The following SLC23A2 variants were observed in gnomAD, a reference collection of about 807,000 sequenced individuals.
SLC23A2 encodes Na(+)/L-ascorbic acid transporter 2.
SLC23A2 carries 36 observed loss-of-function variants against 73.3 expected under a neutral mutation model. The observed-to-expected ratio is 0.49, with a 90% CI of 0.38 to 0.65. SLC23A2 has a LOEUF of 0.65. SLC23A2 is among the 30% of genes least tolerant of loss of function. The probability of loss-of-function intolerance (pLI) is 0.00; values close to 1 mark genes in which losing one functional copy is unlikely to be tolerated. For missense variants in SLC23A2, 507 were observed against 841.6 expected (o/e 0.60, Z 4.92); for synonymous variants, 343 against 327.3 (o/e 1.05, Z -0.52).
At chr20:4,859,853 G>T (rs779624957) in intron 15 of SLC23A2, among the ~76,000 whole-genome samples, 2 of 152,198 alleles carry the variant, frequency 1.3e-5, no homozygotes, top group African/African-American at 2.4e-5. Context: ...TTAATCAGGG[G>T]CAACTGGATT....
At chr20:4,873,479 A>G (rs1930530049) in intron 11 of SLC23A2, among the ~76,000 whole-genome samples, 1 of 152,232 alleles carries the variant, frequency 6.6e-6, no homozygotes. Context: ...AGCTGTGGCC[A>G]AATTTAAAAG....
At position 4,868,004 on chromosome 20, in the gene SLC23A2, C is replaced by T; in HGVS notation, c.1251-129G>A. On this transcript the variant is annotated intron_variant, in intron 12 of 16. Transcript: ENST00000338244. This position sits in a 1 kb window ranked among gnomAD's most constrained non-coding sequence, Gnocchi z 4.4. ...CTGCAGCTTCCACATCTCCTGGGAG[C>T]TGGGAGGGCGATTAAAAATACAATC... The T allele has an allele frequency of 2.4e-6, 1 of 421,840 alleles. No homozygotes were observed. The highest frequency in any genetic ancestry group is 4.0e-6 in the Non-Finnish European group (1 of 249,190). 26.1% of individuals were successfully genotyped at this position (421,840 alleles called of 1,614,324 possible).
At position 4,864,897 on chromosome 20, in the gene SLC23A2, G is replaced by A. The variant is rs534694275; in HGVS notation, c.1357-1990C>T. 3.2e-3 allele frequency among the ~76,000 whole-genome samples: 495 copies of A among 152,338 alleles called. 3 individuals are homozygous for A. Among genetic ancestry groups the A allele is most frequent in the African/African-American group, 0.011 (470 of 41,568 alleles). ...GGTATGAAGGGCCAAACTGGCCCCA[G>A]GGATACCTGAAACTAAATCTGGTAG... On this transcript the variant is annotated intron_variant, in intron 13 of 16. Transcript: ENST00000338244.
At position 4,883,809 on chromosome 20, in the gene SLC23A2, G is replaced by C; in HGVS notation, c.657C>G (p.Ile219Met). Residue 219 changes from isoleucine (I) to methionine (M), a missense_variant, in exon 9 of 17, where the codon ATC becomes ATG. By Grantham distance (10) the Ile-to-Met change is conservative. Transcript: ENST00000338244. The surrounding 1 kb of genome is among the most constrained non-coding windows in gnomAD (Gnocchi z 4.5). ...CTACTTCTATCAGTGAGGACATGAT[G>C]ATGGCCCCCTGGATCTGCAACAAGA... The part of the protein sequence containing the change: ...YPRIREIQGA[I>M]IMSSLIEVVI... 1.2e-6 allele frequency: 2 copies of C among 1,609,432 alleles called. No homozygotes were observed. The highest frequency in any genetic ancestry group is 1.7e-6 in the Non-Finnish European group (2 of 1,177,780).
At chr20:4,992,791 T>G (rs1208683278) in intron 1 of SLC23A2, among the ~76,000 whole-genome samples, 1 of 151,648 alleles carries the variant, frequency 6.6e-6, no homozygotes, top group African/African-American at 2.4e-5. Flanking sequence ...ATTACAGGCA[T>G]GAGCCACCGC....
intron 1 of SLC23A2, among the ~76,000 whole-genome samples, chr20:4,971,178 A>G (rs2087554196): frequency 6.6e-6 from 1 of 152,048 alleles, no homozygotes. Flanking sequence ...CTATAAAAAA[A>G]CTTTTCAGCC....
At chr20:4,876,636 T>A (rs761187150) in intron 9 of SLC23A2, among the ~76,000 whole-genome samples, 1 of 152,206 alleles carries the variant, frequency 6.6e-6, no homozygotes, top group African/African-American at 2.4e-5. Context: ...ATGTTTACCT[T>A]TGCTAACTTT....
intron 2 of SLC23A2, among the ~76,000 whole-genome samples, chr20:4,942,206 G>A (rs1005368481): frequency 3.9e-5 from 6 of 152,162 alleles, no homozygotes; most frequent in South Asian, 4.1e-4. Flanking sequence ...ACAGCAGTGC[G>A]GAATAATGTC....
chr20:4,935,055 C>T (rs1260074052), intron 2 of SLC23A2, among the ~76,000 whole-genome samples: 1 of 151,506 alleles, frequency 6.6e-6, no homozygotes, highest in East Asian at 1.9e-4. Flanking sequence ...GGCGTGGTGG[C>T]GGGCACCTGT....
intron 2 of SLC23A2, among the ~76,000 whole-genome samples, chr20:4,942,934 T>G (rs2087064776): frequency 6.6e-6 from 1 of 151,952 alleles, no homozygotes. Flanking sequence ...TATGTAAAAT[T>G]CATCTTTAAG....
chr20:4,993,251 TCCAGCCTGGGCGCGCCACTGCACC>T (rs2087958508), intron 1 of SLC23A2, among the ~76,000 whole-genome samples: 1 of 142,270 alleles, frequency 7.0e-6, no homozygotes, highest in Admixed American at 7.4e-5. Flanking sequence ...GCCACTGCAC[TCCAGCCTGGGCGCGCCACTGCACC>T]CCAGCCTGGG....
In SLC23A2 at chr20:4,853,765, T is replaced by C. The variant is rs1929611645; in HGVS notation, c.*3207A>G. 6.6e-6 allele frequency: 1 copy of C among 152,516 alleles called. No individual in the cohort carries two copies. The highest frequency in any genetic ancestry group is 2.1e-4 in the South Asian group (1 of 4,836). The allele number at this position is 152,516 out of a possible 1,614,324, so 9.4% of individuals were successfully genotyped here. A position where few individuals can be genotyped will look rare whatever the true frequency, so the allele number is the denominator to read the frequency against. ...CATCAGGACCCATGATGCTTCATTCTGGCTGGCATGGTTAAAGCCACTTCT... is the reference window on the plus strand; with the variant it reads ...CATCAGGACCCATGATGCTTCATTCCGGCTGGCATGGTTAAAGCCACTTCT... On this transcript the variant is annotated 3_prime_UTR_variant, in exon 17 of 17. Coordinates refer to ENST00000338244, the MANE Select transcript of SLC23A2 (RefSeq NM_005116.6).
At chr20:4,949,795 G>A (rs1345043302) in intron 2 of SLC23A2, among the ~76,000 whole-genome samples, 2 of 152,168 alleles carry the variant, frequency 1.3e-5, no homozygotes, top group Admixed American at 6.5e-5. Context: ...TAATCAATCT[G>A]TATATCCTCA....
chr20:4,990,480 A>G (rs2087907368), intron 1 of SLC23A2, among the ~76,000 whole-genome samples: 1 of 151,210 alleles, frequency 6.6e-6, no homozygotes, highest in Non-Finnish European at 1.5e-5. Context: ...ATTGATTCCC[A>G]TGCTACTCAG....
chr20:4,884,740 G>A lies in SLC23A2; in HGVS notation c.642+13C>T, dbSNP rs142251970. 172 of 1,594,426 alleles carry A rather than the reference G, an allele frequency of 1.1e-4. No individual in the cohort carries two copies. The highest frequency in any genetic ancestry group is 1.7e-4 in the Middle Eastern group (1 of 6,014). On this transcript the variant is annotated intron_variant, in intron 8 of 16. Coordinates refer to ENST00000338244, the MANE Select transcript of SLC23A2 (RefSeq NM_005116.6). ...CATGAAGAAGCCAAAAGCAGACAAC[G>A]CTTGTCTTTTACCTCTCGGATCCGG...
At position 4,899,502 on chromosome 20, in the gene SLC23A2, C is replaced by T. The variant is rs150512403; in HGVS notation, c.482+53G>A. The T allele has an allele frequency of 8.4e-5, 5 of 59,424 alleles. No individual in the cohort carries two copies. Among genetic ancestry groups the T allele is most frequent in the East Asian group, 2.3e-4 (1 of 4,332 alleles). 3.7% of individuals were successfully genotyped at this position (59,424 alleles called of 1,614,324 possible). On this transcript the variant is annotated intron_variant, in intron 6 of 16. Coordinates refer to ENST00000338244, the MANE Select transcript of SLC23A2 (RefSeq NM_005116.6). The surrounding 1 kb of genome is among the most constrained non-coding windows in gnomAD (Gnocchi z 4.9). Reference sequence around the variant, plus strand: ...AAACGGCGCAGCTCAATGCCTTCTGCGCTCAATGCCTTCTGGGGGCTTTGG... The same window carrying T: ...AAACGGCGCAGCTCAATGCCTTCTGTGCTCAATGCCTTCTGGGGGCTTTGG...
At chr20:4,920,742 T>C (rs1291067685) in intron 3 of SLC23A2, among the ~76,000 whole-genome samples, 1 of 152,176 alleles carries the variant, frequency 6.6e-6, no homozygotes, top group East Asian at 1.9e-4. Context: ...CACTTCCTTC[T>C]ACAACAAAAA....
intron 3 of SLC23A2, among the ~76,000 whole-genome samples, chr20:4,913,887 A>C (rs1932241296): frequency 6.6e-6 from 1 of 151,968 alleles, no homozygotes; most frequent in Admixed American, 6.6e-5. Context: ...TCAGCCTCCC[A>C]AAGTGCTGGG....
rs80218372 is a variant in SLC23A2, at chr20:4,934,526, A to G, written c.-154-1810T>C. On this transcript the variant is annotated intron_variant, in intron 2 of 16. Transcript: ENST00000338244. The stretch of plus-strand genomic sequence containing the variant: ...ATAGCAGAGACAGCAAAGCCCACAC[A>G]GAAGCACGTCTATGGGACTTACTCC... 9.9e-3 allele frequency among the ~76,000 whole-genome samples: 1,509 copies of G among 152,284 alleles called. 16 individuals are homozygous for G. The highest frequency in any genetic ancestry group is 0.035 in the African/African-American group (1,437 of 41,550).
Sources: gnomAD v4.1 joint callset for allele counts (sites outside exome capture counted in the v4.1 genomes callset) on GRCh38, gnomAD v4.1.1 for gene constraint, Gnocchi (gnomAD v3.1) non-coding constraint, MANE v1.5 for transcripts, NCBI Gene and HGNC (gene_info 2026-07-23, HGNC 2026-07-21) for gene names.